Variants in IL2RB observed in about 807,000 individuals in gnomAD.
IL2RB encodes the protein interleukin-2 receptor subunit beta.
In IL2RB, 17 loss-of-function variants were observed where a neutral mutation model predicts 44.2. The ratio of observed to expected loss-of-function variants is 0.38; its 90% CI spans 0.26 to 0.58. The LOEUF is 0.58. Ranked by LOEUF, IL2RB falls within the 20% of genes least tolerant of loss-of-function variation. The pLI is 0.63. For synonymous variants in IL2RB, 286 were observed against 297.9 expected (o/e 0.96, Z 0.41); for missense variants, 624 against 685.5 (o/e 0.91, Z 1.00).
intron 6 of IL2RB, 104 bp from the exon 7 acceptor site, chr22:37,136,497 CA>C: frequency 7.8e-7 from 1 of 1,280,988 alleles, no homozygotes; most frequent in Admixed American, 2.2e-5. Flanking sequence ...GCTGCACCCC[CA>C]CTTCCTTGCC....
intron 4 of IL2RB, among the ~76,000 whole-genome samples, chr22:37,140,124 TG>T (rs1451551936): frequency 6.6e-6 from 1 of 152,130 alleles, no homozygotes; most frequent in Non-Finnish European, 1.5e-5. Context: ...GCCGGGACCT[TG>T]GGCACCGTCC....
chr22:37,147,604 A>C (rs1341461588), intron 1 of IL2RB, among the ~76,000 whole-genome samples: 1 of 152,226 alleles, frequency 6.6e-6, no homozygotes, highest in Non-Finnish European at 1.5e-5. Flanking sequence ...TAAACACAGT[A>C]AGAGGTGGAG....
At position 37,142,455 on chromosome 22, in the gene IL2RB, G is replaced by C; in HGVS notation, c.261C>G (p.Asn87Lys). ...TCACATCTGGGGCTCCGAGGATCAG[G>C]TTGCAGGCCCAGGATGCTTGACTCA... ...LPVSQASWAC[N>K]LILGAPDSQK... Residue 87 changes from asparagine (N) to lysine (K), a missense_variant, in exon 4 of 10, where the codon AAC (asparagine) becomes AAG (lysine). This residue lies in a region of IL2RB where 255 missense variants were observed against 339.9 expected (regional missense o/e 0.75). Transcript: ENST00000216223. The C allele has an allele frequency of 6.2e-7, 1 of 1,614,174 alleles. No homozygotes were observed. The highest frequency in any genetic ancestry group is 8.5e-7 in the Non-Finnish European group (1 of 1,180,002).
At chr22:37,171,286 C>T (rs565978264) in intron 1 of IL2RB, among the ~76,000 whole-genome samples, 21 of 152,282 alleles carry the variant, frequency 1.4e-4, no homozygotes, top group South Asian at 6.2e-4. Flanking sequence ...CTTGGCCTCA[C>T]GCTCTTTCAT....
rs1601606830 is a variant in IL2RB, at chr22:37,149,902, G to A, written c.-111C>T. The A allele has an allele frequency of 2.0e-6, 2 of 985,592 alleles. No individual in the cohort carries two copies. Among genetic ancestry groups the A allele is most frequent in the Non-Finnish European group, 2.4e-6 (2 of 830,144 alleles). The allele number at this position is 985,592 out of a possible 1,614,324, so 61.1% of individuals were successfully genotyped here. A position where few individuals can be genotyped will look rare whatever the true frequency, so the allele number is the denominator to read the frequency against. On this transcript the variant is annotated 5_prime_UTR_variant, in exon 1 of 10. Coordinates refer to ENST00000216223, the MANE Select transcript of IL2RB (RefSeq NM_000878.5). ...CTGGGACCGTGGCCATCTCTCCAGG[G>A]CCCTGCTGAGCTCTGGCTGCTGGGG...
chr22:37,145,418 T>C (rs1361609707), intron 1 of IL2RB, among the ~76,000 whole-genome samples: 1 of 151,776 alleles, frequency 6.6e-6, no homozygotes, highest in Non-Finnish European at 1.5e-5. Context: ...GGCCAGTGCT[T>C]TATTTATTTA....
At chr22:37,166,559 C>T (rs541012279) in intron 1 of IL2RB, among the ~76,000 whole-genome samples, 17 of 152,346 alleles carry the variant, frequency 1.1e-4, no homozygotes, top group African/African-American at 3.1e-4. Context: ...ATCCACGACA[C>T]CTTCTCCCCC....
chr22:37,156,227 T>A (rs1922675636), intron 1 of IL2RB, among the ~76,000 whole-genome samples: 1 of 152,198 alleles, frequency 6.6e-6, no homozygotes, highest in Non-Finnish European at 1.5e-5. Context: ...CCTGCCATCA[T>A]TCTGACCTGT....
At chr22:37,170,632 A>C (rs910716576) in intron 1 of IL2RB, among the ~76,000 whole-genome samples, 2 of 152,136 alleles carry the variant, frequency 1.3e-5, no homozygotes, top group African/African-American at 4.8e-5. Context: ...CTCAGTCCCA[A>C]GGGTGCCACA....
intron 6 of IL2RB, among the ~76,000 whole-genome samples, chr22:37,137,028 C>T (rs3218295): frequency 0.21 from 31,172 of 152,022 alleles, 3,940 homozygotes; most frequent in African/African-American, 0.35. Flanking sequence ...TATCACTATC[C>T]GGGTGCCTCA....
chr22:37,164,992 T>C (rs1311319011), intron 1 of IL2RB, among the ~76,000 whole-genome samples: 1 of 152,170 alleles, frequency 6.6e-6, no homozygotes, highest in East Asian at 1.9e-4. Context: ...AGCCAGAATC[T>C]GTATTTTCAC....
rs921937052 is a variant in IL2RB at position 37,140,995 on chromosome 22, G to A, written c.282+1439C>T. On this transcript the variant is annotated intron_variant, in intron 4 of 9. Coordinates refer to ENST00000216223, the MANE Select transcript of IL2RB (RefSeq NM_000878.5). Reference sequence around the variant, plus strand: ...CCGCAGCTGCCCATCCGGAGTGGCCGCTGCTAAAACTCTGGCTGCAGCCGG... The same window carrying A: ...CCGCAGCTGCCCATCCGGAGTGGCCACTGCTAAAACTCTGGCTGCAGCCGG... 3.3e-5 allele frequency among the ~76,000 whole-genome samples: 5 copies of A among 152,154 alleles called. No homozygotes were observed. In the South Asian group the frequency reaches 6.2e-4, roughly 19 times the overall value.
chr22:37,139,202 A>C lies in IL2RB; in HGVS notation c.303T>G (p.Val101=). The change falls in exon 5 of 10, where the codon GTT becomes GTG. Residue 101 remains valine, a synonymous_variant. Transcript: ENST00000216223. The part of the protein sequence containing the change: ...GAPDSQKLTT[V]DIVTLRVLCR... ...ACAGCACCCTCAGGGTGACGATGTC[A>C]ACTGTGGTCAGTTTCTGAGACTGCA... The C allele has an allele frequency of 6.2e-7, 1 of 1,613,186 alleles. No homozygotes were observed. The highest frequency in any genetic ancestry group is 8.5e-7 in the Non-Finnish European group (1 of 1,179,500).
chr22:37,160,093 A>G (rs1922807747), intron 1 of IL2RB, among the ~76,000 whole-genome samples: 1 of 151,938 alleles, frequency 6.6e-6, no homozygotes, highest in African/African-American at 2.4e-5. Context: ...CCTACTGTTG[A>G]CCTCCCAACA....
chr22:37,136,429 C>T (rs1427659759), intron 6 of IL2RB, 36 bp from the exon 7 acceptor site: 2 of 1,578,980 alleles, frequency 1.3e-6, no homozygotes, highest in Admixed American at 1.8e-5. Flanking sequence ...GCCCACCTCA[C>T]CTCCCATGGC....
intron 1 of IL2RB, among the ~76,000 whole-genome samples, chr22:37,163,444 G>A (rs978538067): frequency 1.4e-4 from 22 of 152,188 alleles, no homozygotes; most frequent in Admixed American, 1.0e-3. Flanking sequence ...AAGAGAAATG[G>A]GGGGGCCGCT....
rs1361707418 is a variant in IL2RB, at chr22:37,156,450, G to A, written c.-33-12245C>T. On this transcript the variant is annotated intron_variant, in intron 1 of 5. Coordinates refer to the IL2RB transcript ENST00000429622. ...GGAGGCCACCCAGGCTAGGTGGGGT[G>A]GCTTTATGATGTCAGGATCCTGAGC... Among the ~76,000 whole-genome samples, 5 of 152,168 alleles carry A rather than the reference G, an allele frequency of 3.3e-5. 1 individual carries two copies. The highest frequency in any genetic ancestry group is 1.2e-4 in the African/African-American group (5 of 41,440).
chr22:37,167,552 C>G (rs888231439), intron 1 of IL2RB, among the ~76,000 whole-genome samples: 1 of 152,216 alleles, frequency 6.6e-6, no homozygotes, highest in African/African-American at 2.4e-5. Context: ...CTGGCAGTTC[C>G]TGGAAGTCTC....
chr22:37,130,859 C>T (rs1040953414), intron 9 of IL2RB, among the ~76,000 whole-genome samples: 8 of 152,192 alleles, frequency 5.3e-5, no homozygotes, highest in South Asian at 2.1e-4. Flanking sequence ...AATACATTCC[C>T]GCACATTAAG....
Sources: allele counts gnomAD v4.1 joint callset (sites outside exome capture counted in the v4.1 genomes callset), GRCh38; gene constraint gnomAD v4.1.1; regional missense constraint gnomAD v4.1.1; transcripts MANE v1.5; gene names NCBI Gene and HGNC (gene_info 2026-07-23, HGNC 2026-07-21).